ODF2: variants seen among roughly 807,000 people sequenced by gnomAD.
ODF2 encodes the protein outer dense fiber of sperm tails 2.
In ODF2, 47 loss-of-function variants were observed where a neutral mutation model predicts 110.2. The observed-to-expected ratio is 0.43, with a 90% CI of 0.34 to 0.54. The LOEUF (loss-of-function observed/expected upper bound fraction) is 0.54, where lower values mean the gene tolerates loss of function less well. Among genes scored for constraint, ODF2 ranks in the 20% least tolerant of loss-of-function variants. The probability of loss-of-function intolerance (pLI) is 0.03; values close to 1 mark genes in which losing one functional copy is unlikely to be tolerated. For missense variants in ODF2, 812 were observed against 1,054.5 expected, an observed-to-expected ratio of 0.77 and a Z score of 3.19; for synonymous variants, 352 against 397.7, an observed-to-expected ratio of 0.89 and a Z score of 1.37.
intron 17 of ODF2, 63 bp from the exon 18 acceptor site, chr9:128,495,978 G>C (rs763874497): frequency 6.3e-7 from 1 of 1,594,982 alleles, no homozygotes. Flanking sequence ...CAGGTCATAG[G>C]GAAAGGGGAG....
rs1325119988 is a variant in ODF2, at chr9:128,487,803, AAAC to A, written c.1401-85_1401-83del. 3.2e-5 allele frequency: 31 copies of A among 983,026 alleles called. No individual in the cohort carries two copies. The African/African-American group carries it at 4.7e-4, about 15-fold the overall frequency. The allele number at this position is 983,026 out of a possible 1,614,324, so 60.9% of individuals were successfully genotyped here. A position where few individuals can be genotyped will look rare whatever the true frequency, so the allele number is the denominator to read the frequency against. On this transcript the variant is annotated intron_variant, in intron 13 of 20. Transcript: ENST00000604420. The stretch of plus-strand genomic sequence containing the variant: ...CTCCGTCTAAAAAAACAAACAAACA[AAAC>A]ACACACACACACACACACACACACA...
rs370707615 is a variant in ODF2, at chr9:128,499,137, C to T, written c.2301+11C>T. ...CGGAGCCGTGATGATGTGAGTCAGG[C>T]TGGTGGGCCGGGCTAGGAGAGTGGG... On this transcript the variant is annotated intron_variant, in intron 20 of 20. Transcript: ENST00000604420. 10 of 1,613,950 alleles carry T rather than the reference C, an allele frequency of 6.2e-6. No individual in the cohort carries two copies. The highest frequency in any genetic ancestry group is 4.2e-6 in the Non-Finnish European group (5 of 1,179,954).
At chr9:128,457,943 A>ATATTT (rs1554817270) in intron 2 of ODF2, among the ~76,000 whole-genome samples, 41 of 140,450 alleles carry the variant, frequency 2.9e-4, no homozygotes, top group Middle Eastern at 3.8e-3. Context: ...ATATATATAT[A>ATATTT]TTTTTTTTTT....
rs1048645424 is a variant in ODF2 at position 128,500,143 on chromosome 9, T to C, written c.2378T>C (p.Met793Thr). Residue 793 changes from methionine (M) to threonine (T), a missense_variant, in exon 21 of 21, where the codon ATG (methionine) becomes ACG (threonine). Around this residue, in one of 5 missense-constraint regions of ODF2, gnomAD observed 234 missense variants for 245.3 expected, o/e 0.95. Transcript: ENST00000604420. The stretch of plus-strand genomic sequence containing the variant: ...CAGTCCGAGAGCACCAACCGCAGCA[T>C]GCAGAACTACGTCCAGTTCCTCAAA... 4 of 1,614,254 alleles carry C rather than the reference T, an allele frequency of 2.5e-6. No homozygotes were observed. The Admixed American group carries it at 5.0e-5, about 20-fold the overall frequency.
chr9:128,495,017 T>G (rs1170589638), intron 17 of ODF2, among the ~76,000 whole-genome samples: 2 of 152,198 alleles, frequency 1.3e-5, no homozygotes, highest in African/African-American at 4.8e-5. Flanking sequence ...TAGAATTTCT[T>G]TTTTTCTCTT....
intron 5 of ODF2, 80 bp downstream of exon 5, chr9:128,469,433 T>G: frequency 6.8e-7 from 1 of 1,460,848 alleles, no homozygotes; most frequent in Non-Finnish European, 9.5e-7. Context: ...GCCTGGTCCC[T>G]CAGCCTGCGT....
At chr9:128,481,306 T>A (rs1012093196) in intron 8 of ODF2, among the ~76,000 whole-genome samples, 9 of 151,972 alleles carry the variant, frequency 5.9e-5, no homozygotes, top group African/African-American at 2.2e-4. Flanking sequence ...CCTCCAACTC[T>A]ACAAATAATA....
chr9:128,499,520 C>T (rs558321474), intron 20 of ODF2, among the ~76,000 whole-genome samples: 12 of 152,266 alleles, frequency 7.9e-5, no homozygotes, highest in African/African-American at 1.4e-4. Context: ...GTCTTCAACT[C>T]GTGATCTCAA....
chr9:128,498,370 A>G, intron 18 of ODF2, 43 bp from the exon 19 acceptor site: 1 of 1,483,486 alleles, frequency 6.7e-7, no homozygotes, highest in Non-Finnish European at 9.0e-7. Flanking sequence ...GGAACATGAC[A>G]GGTTGGGGTA....
chr9:128,459,480 C>A (rs1316838888), intron 2 of ODF2, 87 bp from the exon 2 acceptor site: 6 of 1,047,454 alleles, frequency 5.7e-6, no homozygotes, highest in Non-Finnish European at 8.7e-6. Flanking sequence ...TGTTAGCTAC[C>A]GTAGTCAGTG....
intron 4 of ODF2, among the ~76,000 whole-genome samples, chr9:128,463,305 A>C (rs184110916): frequency 6.6e-6 from 1 of 152,236 alleles, no homozygotes; most frequent in African/African-American, 2.4e-5. Context: ...ATACAATGGA[A>C]TACCATGCAG....
At chr9:128,499,114 G>A (rs2132347967) in exon 20 of ODF2, 1 of 1,614,184 alleles carries the variant, frequency 6.2e-7, no homozygotes, top group South Asian at 1.1e-5. Context: ...AGCTGCGGCG[G>A]AGCCGTGATG....
intron 4 of ODF2, among the ~76,000 whole-genome samples, chr9:128,465,069 G>T (rs1411493400): frequency 6.6e-6 from 1 of 152,120 alleles, no homozygotes. Context: ...GGGTTGCTAG[G>T]GGTAATAATC....
Position 128,476,116 on chromosome 9 carries a change from C to G in ODF2, c.843+2375C>G, listed in dbSNP as rs78237618. ...TCTCTACTGCGTTTTCTTCATTCAT[C>G]TGTTGATGGACACTTAGGTTGATTC... On this transcript the variant is annotated intron_variant, in intron 8 of 20. Coordinates refer to ENST00000604420, the Ensembl canonical transcript of ODF2. Among the ~76,000 whole-genome samples, 1,457 of 152,140 alleles carry G rather than the reference C, an allele frequency of 9.6e-3. 31 individuals are homozygous for G. Among genetic ancestry groups the G allele is most frequent in the East Asian group, 0.073 (379 of 5,170 alleles).
exon 5 of ODF2, chr9:128,469,185 T>C: frequency 6.2e-7 from 1 of 1,613,804 alleles, no homozygotes; most frequent in Non-Finnish European, 8.5e-7. Flanking sequence ...TACATCAGAA[T>C]CCACCTCATT....
intron 6 of ODF2, among the ~76,000 whole-genome samples, chr9:128,472,112 C>G (rs992336074): frequency 3.9e-5 from 6 of 152,098 alleles, no homozygotes; most frequent in Admixed American, 6.6e-5. Flanking sequence ...AACCCTGTCT[C>G]TACTAAAAAT....
intron 8 of ODF2, among the ~76,000 whole-genome samples, chr9:128,474,995 T>C (rs1840950514): frequency 6.6e-6 from 1 of 152,096 alleles, no homozygotes; most frequent in Non-Finnish European, 1.5e-5. Context: ...GAACTTTATA[T>C]GTTAGCAAAT....
intron 2 of ODF2, among the ~76,000 whole-genome samples, chr9:128,457,764 A>G (rs1835289887): frequency 6.6e-6 from 1 of 152,102 alleles, no homozygotes; most frequent in South Asian, 2.1e-4. Context: ...TAGGAGGTGG[A>G]TGTGGCAGTT....
chr9:128,460,382 T>C (rs1836112934), intron 3 of ODF2, 168 bp from the exon 3 acceptor site: 4 of 1,418,122 alleles, frequency 2.8e-6, no homozygotes, highest in Non-Finnish European at 1.9e-6. Flanking sequence ...GCCTGCTGAA[T>C]GATACTCCCG....
Sources: allele counts gnomAD v4.1 joint callset (sites outside exome capture counted in the v4.1 genomes callset), GRCh38; gene constraint gnomAD v4.1.1; regional missense constraint gnomAD v4.1.1; transcripts MANE v1.5; gene names NCBI Gene and HGNC (gene_info 2026-07-23, HGNC 2026-07-21).